Variants in ROS1 observed in about 807,000 individuals in gnomAD.
ROS1 encodes the protein ROS proto-oncogene 1, receptor tyrosine kinase, also known as proto-oncogene tyrosine-protein kinase ROS.
In ROS1, 263 loss-of-function variants were observed where a neutral mutation model predicts 273.5. The observed-to-expected ratio is 0.96, with a 90% CI of 0.87 to 1.06. The LOEUF (loss-of-function observed/expected upper bound fraction) is 1.06. Among genes scored for constraint, ROS1 ranks in the 50% least tolerant of loss-of-function variants. The pLI is 0.00. For synonymous variants in ROS1, 1,008 were observed against 954.1 expected (o/e 1.06, Z -1.04); for missense variants, 2,833 against 2,751.1 (o/e 1.03, Z -0.67).
At position 117,341,480 on chromosome 6, in the gene ROS1, G is replaced by A. The variant is rs143210953; in HGVS notation, c.4804C>T (p.Leu1602=). The change falls in exon 30 of 44, where the codon CTA becomes TTA. Residue 1602 remains leucine, a synonymous_variant. Transcript: ENST00000368507. ...SHLALIPETP[L]RQSEFPNGRL... is the part of the protein sequence containing the mutation. Reference sequence around the variant, plus strand: ...CCATTTGGAAATTCACTTTGTCTTAGAGGAGTTTCAGGAATTAGGGCCAGG... The same window carrying A: ...CCATTTGGAAATTCACTTTGTCTTAAAGGAGTTTCAGGAATTAGGGCCAGG... 1.2e-6 allele frequency: 2 copies of A among 1,613,872 alleles called. No homozygotes were observed. Among genetic ancestry groups the A allele is most frequent in the Non-Finnish European group, 1.7e-6 (2 of 1,179,798 alleles).
intron 18 of ROS1, among the ~76,000 whole-genome samples, 164 bp from the exon 19 acceptor site, chr6:117,366,454 T>C (rs1205362225): frequency 6.6e-6 from 1 of 152,156 alleles, no homozygotes; most frequent in Non-Finnish European, 1.5e-5. Flanking sequence ...TTGTTTCATA[T>C]TAAGTTGGGT....
At chr6:117,381,708 T>C (rs994978630) in intron 17 of ROS1, among the ~76,000 whole-genome samples, 4 of 152,288 alleles carry the variant, frequency 2.6e-5, no homozygotes, top group Admixed American at 6.5e-5. Context: ...CATAAACATA[T>C]GTGTGCAGGT....
chr6:117,321,871 C>A (rs2128565888), intron 35 of ROS1, among the ~76,000 whole-genome samples: 1 of 110,974 alleles, frequency 9.0e-6, no homozygotes, highest in African/African-American at 3.5e-5. Flanking sequence ...GAGTGTTTAT[C>A]ATTGTTGTTC....
At position 117,383,398 on chromosome 6, in the gene ROS1, T is replaced by C; in HGVS notation, c.2400A>G (p.Thr800=). 15 of 1,613,990 alleles carry C rather than the reference T, an allele frequency of 9.3e-6. No individual in the cohort carries two copies. Among genetic ancestry groups the C allele is most frequent in the Non-Finnish European group, 1.3e-5 (15 of 1,179,898 alleles). ...GTCTGGTGCTTTCCACTGAATAGAG[T>C]GTGGTCCAGTAGAGATATCCACCAA... ...DSVGGYLYWT[T]LYSVESTRLN... is the part of the protein sequence containing the mutation. Residue 800 remains threonine, a synonymous_variant, in exon 17 of 44, where the codon ACA becomes ACG. Transcript: ENST00000368507.
At chr6:117,368,304 A>C (rs1780440162) in intron 18 of ROS1, among the ~76,000 whole-genome samples, 1 of 152,158 alleles carries the variant, frequency 6.6e-6, no homozygotes. Flanking sequence ...GATTTCTATA[A>C]ATCATTTTAA....
In ROS1 at chr6:117,353,014, T is replaced by C. The variant is rs751133474; in HGVS notation, c.4279A>G (p.Ser1427Gly). 13 of 1,613,574 alleles carry C rather than the reference T, an allele frequency of 8.1e-6. No individual in the cohort carries two copies. Among genetic ancestry groups the C allele is most frequent in the Non-Finnish European group, 1.1e-5 (13 of 1,179,928 alleles). Residue 1427 changes from serine to glycine, a missense_variant, in exon 27 of 44, where the codon AGT becomes GGT. By Grantham distance (56) the Ser-to-Gly change is moderately conservative. Coordinates refer to ENST00000368507, the MANE Select transcript of ROS1 (RefSeq NM_001378902.1). ...CCTGGAAAAGGCTGCATAACTGAAC[T>C]GTAAGCCAAGATATGCCTACTCCTT... ...ALRSRHILAY[S>G]SVMQPFPDKA...
intron 8 of ROS1, 122 bp from the exon 9 acceptor site, chr6:117,396,386 A>G (rs1773488667): frequency 5.0e-5 from 35 of 705,500 alleles, no homozygotes; most frequent in Non-Finnish European, 5.1e-6. Flanking sequence ...GAGTCTAGTT[A>G]CGTGGTGCCA....
intron 35 of ROS1, among the ~76,000 whole-genome samples, chr6:117,322,522 T>C (rs1776353480): frequency 1.3e-5 from 2 of 152,162 alleles, no homozygotes; most frequent in African/African-American, 4.8e-5. Context: ...AATGGCAAGC[T>C]CCTGAGGTCA....
At chr6:117,327,149 G>A (rs193266860) in intron 33 of ROS1, among the ~76,000 whole-genome samples, 141 of 152,274 alleles carry the variant, frequency 9.3e-4, no homozygotes, top group African/African-American at 3.3e-3. Context: ...GGTAAGCTTA[G>A]GGATATGTGG....
intron 42 of ROS1, among the ~76,000 whole-genome samples, chr6:117,302,010 T>C (rs991218432): frequency 1.3e-5 from 2 of 152,214 alleles, no homozygotes; most frequent in Non-Finnish European, 2.9e-5. Context: ...TATCAGGAGC[T>C]AGGGACATGG....
At chr6:117,392,915 T>C (rs754769869) in intron 12 of ROS1, among the ~76,000 whole-genome samples, 5 of 152,138 alleles carry the variant, frequency 3.3e-5, no homozygotes, top group African/African-American at 9.7e-5. Context: ...AATCCCATGA[T>C]AAAGAAGTGG....
chr6:117,371,935 G>A (rs1380253678), intron 18 of ROS1, among the ~76,000 whole-genome samples: 1 of 152,286 alleles, frequency 6.6e-6, no homozygotes, highest in Admixed American at 6.5e-5. Flanking sequence ...AGGAGAGCCT[G>A]AGCTCAGACA....
chr6:117,393,091 T>C, intron 12 of ROS1, 133 bp downstream of exon 12: 2 of 699,636 alleles, frequency 2.9e-6, no homozygotes, highest in South Asian at 3.3e-5. Flanking sequence ...TGCCTGAATT[T>C]AATTAAATTC....
At chr6:117,396,118 G>A (rs1773463876) in intron 9 of ROS1, 70 bp downstream of exon 9, 1 of 1,151,196 alleles carries the variant, frequency 8.7e-7, no homozygotes, top group East Asian at 2.4e-5. Context: ...GTGACCCAGG[G>A]CTTCTGGCTC....
chr6:117,367,835 A>C (rs1780394427), intron 18 of ROS1, among the ~76,000 whole-genome samples: 1 of 152,214 alleles, frequency 6.6e-6, no homozygotes, highest in Non-Finnish European at 1.5e-5. Flanking sequence ...ATTTAAAAAA[A>C]TCAATTCCAT....
rs887790221 is a variant in ROS1, at chr6:117,359,919, C to G, written c.3523G>C (p.Ala1175Pro). ...DQNQVVWTFS[A>P]ERVISAVCYT... ...CAAACGGCACTGATAACTCTTTCTG[C>G]TGAAAACGTCCACACAACTTGATTT... is the stretch of plus-strand genomic sequence containing the variant. The change falls in exon 24 of 44, where the codon GCA becomes CCA. Residue 1175 changes from alanine to proline, a missense_variant. Ala to Pro is a conservative substitution (Grantham distance 27, BLOSUM62 -1). Coordinates refer to ENST00000368507, the MANE Select transcript of ROS1 (RefSeq NM_001378902.1). 6.2e-7 allele frequency: 1 copy of G among 1,613,852 alleles called. No individual in the cohort carries two copies. Among genetic ancestry groups the G allele is most frequent in the South Asian group, 1.1e-5 (1 of 91,086 alleles).
chr6:117,287,374 T>C lies in ROS1; in HGVS notation c.*1118A>G, dbSNP rs1175435535. On this transcript the variant is annotated 3_prime_UTR_variant, in exon 44 of 44. Transcript: ENST00000368507. The stretch of plus-strand genomic sequence containing the variant: ...TGAATTAACATTGTATAATCATTTA[T>C]ATTTAATTTTAAGCATAATTTGATA... Among the ~76,000 whole-genome samples, 2 of 152,228 alleles carry C rather than the reference T, an allele frequency of 1.3e-5. No individual in the cohort carries two copies. The highest frequency in any genetic ancestry group is 2.1e-4 in the South Asian group (1 of 4,834).
intron 35 of ROS1, 66 bp downstream of exon 35, chr6:117,324,266 A>G (rs758341916): frequency 2.6e-6 from 2 of 767,698 alleles, no homozygotes; most frequent in Non-Finnish European, 2.2e-6. Context: ...CAACTAAGAG[A>G]TAAATCAATC....
At chr6:117,352,909 A>AAGGG (rs1778989069) in intron 27 of ROS1, 81 bp downstream of exon 27, 1 of 1,292,274 alleles carries the variant, frequency 7.7e-7, no homozygotes, top group African/African-American at 1.5e-5. Context: ...CTAAAGGGAC[A>AAGGG]GCCTTGGAGA....
Sources: allele counts gnomAD v4.1 joint callset (sites outside exome capture counted in the v4.1 genomes callset), GRCh38; gene constraint gnomAD v4.1.1; transcripts MANE v1.5; gene names NCBI Gene and HGNC (gene_info 2026-07-23, HGNC 2026-07-21).